The following ITGA1 variants were observed in gnomAD, a reference collection of about 807,000 sequenced individuals.
ITGA1 encodes the protein integrin subunit alpha 1.
Under a neutral mutation model 145.9 loss-of-function variants are expected in ITGA1, and 85 were observed. The ratio of observed to expected loss-of-function variants is 0.58; its 90% CI spans 0.49 to 0.70. The LOEUF (loss-of-function observed/expected upper bound fraction) is 0.70, where lower values mean the gene tolerates loss of function less well. Ranked by LOEUF, ITGA1 falls within the 30% of genes least tolerant of loss-of-function variation. The pLI is 0.00. For missense variants in ITGA1, 1,351 were observed against 1,418.7 expected (o/e 0.95, Z 0.77); for synonymous variants, 520 against 495.3 (o/e 1.05, Z -0.66).
At chr5:52,810,253 C>G (rs1748664759) in intron 1 of ITGA1, among the ~76,000 whole-genome samples, 1 of 152,158 alleles carries the variant, frequency 6.6e-6, no homozygotes, top group African/African-American at 2.4e-5. Context: ...AAACTGACCC[C>G]TGGGGACTGA....
chr5:52,881,249 T>C (rs1019212134), intron 6 of ITGA1, among the ~76,000 whole-genome samples: 3 of 152,226 alleles, frequency 2.0e-5, no homozygotes, highest in Admixed American at 6.5e-5. Context: ...TGCCCTCTTC[T>C]TTCCTCACAG....
chr5:52,873,608 C>T (rs1749819352), intron 6 of ITGA1, among the ~76,000 whole-genome samples: 1 of 152,192 alleles, frequency 6.6e-6, no homozygotes, highest in South Asian at 2.1e-4. Context: ...TTTGTGCTAA[C>T]AGTTAACTGG....
Position 52,914,592 on chromosome 5 carries a change from C to A in ITGA1, c.1858-872C>A, listed in dbSNP as rs536755920. On this transcript the variant is annotated intron_variant, in intron 14 of 28. Transcript: ENST00000282588. Reference sequence around the variant, plus strand: ...TGAAGGTTGCAGTGAGCCGAGATAGCGTCTCAAAAAAAAAAAGGGGGGGAA... The same window carrying A: ...TGAAGGTTGCAGTGAGCCGAGATAGAGTCTCAAAAAAAAAAAGGGGGGGAA... 6.2e-5 allele frequency among the ~76,000 whole-genome samples: 8 copies of A among 128,624 alleles called. No homozygotes were observed. The South Asian group carries it at 1.7e-3, about 27-fold the overall frequency. 84.4% of individuals were successfully genotyped at this position (128,624 alleles called of 152,430 possible). A position where few individuals can be genotyped will look rare whatever the true frequency, so the allele number is the denominator to read the frequency against.
chr5:52,909,375 A>G (rs1012971624), intron 13 of ITGA1, among the ~76,000 whole-genome samples: 5 of 152,122 alleles, frequency 3.3e-5, no homozygotes, highest in Non-Finnish European at 7.4e-5. Context: ...GAGATAGATA[A>G]TAACCTCAGC....
intron 11 of ITGA1, among the ~76,000 whole-genome samples, chr5:52,900,748 C>G (rs1366111424): frequency 6.6e-6 from 1 of 152,152 alleles, no homozygotes; most frequent in African/African-American, 2.4e-5. Context: ...CTCTCCCCCT[C>G]AAAGCCTCAA....
At chr5:52,800,478 C>T (rs1561211589) in intron 1 of ITGA1, 4 of 1,614,072 alleles carry the variant, frequency 2.5e-6, no homozygotes, top group Non-Finnish European at 2.5e-6. Flanking sequence ...ACATGTGGCA[C>T]ACTTACAACC....
chr5:52,819,486 A>T (rs1167671125), intron 1 of ITGA1, among the ~76,000 whole-genome samples: 2 of 151,974 alleles, frequency 1.3e-5, no homozygotes, highest in Non-Finnish European at 2.9e-5. Flanking sequence ...CCACTTTTTG[A>T]TGGAGTTGTT....
intron 24 of ITGA1, among the ~76,000 whole-genome samples, chr5:52,938,845 G>C (rs1751010171): frequency 6.6e-6 from 1 of 151,994 alleles, no homozygotes; most frequent in Non-Finnish European, 1.5e-5. Flanking sequence ...TACAGATGAA[G>C]GTCTCTCGCT....
chr5:52,849,381 C>A lies in ITGA1; in HGVS notation c.78C>A (p.Cys26Ter). 4 of 1,609,640 alleles carry A rather than the reference C, an allele frequency of 2.5e-6. No homozygotes were observed. The highest frequency in any genetic ancestry group is 3.4e-6 in the Non-Finnish European group (4 of 1,177,436). Residue 26 changes from cysteine (C) to a stop codon, truncating the protein, a stop_gained, in exon 2 of 29, where the codon TGC (cysteine) becomes TGA (stop). Coordinates refer to ENST00000282588, the MANE Select transcript of ITGA1 (RefSeq NM_181501.2). LOFTEE classifies it high-confidence loss of function. ...CTCCTAAAGTTGTTCTACGCTGCTG[C>A]GTATCATTCAATGTTGATGTGAAAA... ...CWLLTVVLRC[C>*]VSFNVDVKNS...
intron 1 of ITGA1, among the ~76,000 whole-genome samples, chr5:52,834,919 C>T (rs916442309): frequency 2.6e-5 from 4 of 151,844 alleles, no homozygotes; most frequent in Non-Finnish European, 4.4e-5. Flanking sequence ...ATTGAGTGAA[C>T]GCTAACTATT....
At chr5:52,840,954 T>G (rs939088535) in intron 1 of ITGA1, among the ~76,000 whole-genome samples, 7 of 152,194 alleles carry the variant, frequency 4.6e-5, no homozygotes, top group African/African-American at 1.4e-4. Flanking sequence ...CACACTCACT[T>G]TGAAGTTCAA....
intron 22 of ITGA1, chr5:52,933,024 T>C (rs1371399231): frequency 6.6e-6 from 1 of 152,068 alleles, no homozygotes; most frequent in Non-Finnish European, 1.5e-5. Context: ...CACGTAATAA[T>C]TGTACATATT....
intron 1 of ITGA1, among the ~76,000 whole-genome samples, chr5:52,825,808 C>G (rs1339263364): frequency 6.6e-6 from 1 of 151,742 alleles, no homozygotes; most frequent in Non-Finnish European, 1.5e-5. Context: ...ATCCCAGCTA[C>G]TTGGGAGGCT....
chr5:52,813,517 T>C (rs1338293506), intron 1 of ITGA1, among the ~76,000 whole-genome samples: 1 of 152,056 alleles, frequency 6.6e-6, no homozygotes, highest in Non-Finnish European at 1.5e-5. Flanking sequence ...GAGGCTCAGA[T>C]AGGAACAAAG....
At chr5:52,888,908 G>A (rs1292783345) in intron 8 of ITGA1, among the ~76,000 whole-genome samples, 1 of 152,176 alleles carries the variant, frequency 6.6e-6, no homozygotes, top group Non-Finnish European at 1.5e-5. Context: ...TATTTCCTCT[G>A]GGATGGTCAC....
chr5:52,893,810 ACT>A lies in ITGA1; in HGVS notation c.1063_1064del (p.Leu355GlyfsTer12). ...ATTGGCTCTAGTCACCATTGTTAAA[ACT>A]CTGGGAGAAAGAATATTTGCCCTGG... The part of the protein sequence containing the change: ...DELALVTIVK[T>X]LGERIFALEA... On this transcript the variant is annotated frameshift_variant, in exon 9 of 29. Transcript: ENST00000282588. LOFTEE classifies it high-confidence loss of function. 1 of 1,610,492 alleles carries A rather than the reference ACT, an allele frequency of 6.2e-7. No individual in the cohort carries two copies.
intron 2 of ITGA1, among the ~76,000 whole-genome samples, chr5:52,855,229 T>G (rs1028338756): frequency 5.3e-5 from 8 of 152,054 alleles, no homozygotes; most frequent in African/African-American, 1.9e-4. Flanking sequence ...TTTAGCCAAT[T>G]CTCCCCCTTT....
intron 23 of ITGA1, among the ~76,000 whole-genome samples, chr5:52,934,699 A>G (rs1191518423): frequency 3.9e-5 from 6 of 151,982 alleles, no homozygotes; most frequent in Non-Finnish European, 7.4e-5. Flanking sequence ...AAAAGAGAGC[A>G]CAATTCAAAT....
At chr5:52,908,658 T>C (rs983060922) in intron 12 of ITGA1, among the ~76,000 whole-genome samples, 1 of 152,214 alleles carries the variant, frequency 6.6e-6, no homozygotes, top group Non-Finnish European at 1.5e-5. Context: ...ATTCATTTTG[T>C]TACTGTCAAG....
Sources: allele counts gnomAD v4.1 joint callset (sites outside exome capture counted in the v4.1 genomes callset), GRCh38; gene constraint gnomAD v4.1.1; transcripts MANE v1.5; gene names NCBI Gene and HGNC (gene_info 2026-07-23, HGNC 2026-07-21).